Variants in PRRC2A observed in about 807,000 individuals in gnomAD.
The protein encoded by PRRC2A is protein PRRC2A.
A neutral mutation model predicts 224.6 loss-of-function variants in PRRC2A; 59 were observed. That is an observed-to-expected ratio of 0.26 (90% CI 0.21 to 0.33). The LOEUF is 0.33. Among genes scored for constraint, PRRC2A ranks in the 10% least tolerant of loss-of-function variants. The probability of loss-of-function intolerance (pLI) is 1.00; values close to 1 mark genes in which losing one functional copy is unlikely to be tolerated. For missense variants in PRRC2A, 3,095 were observed against 2,880.7 expected (o/e 1.07, Z -1.70); for synonymous variants, 1,194 against 1,109.5 (o/e 1.08, Z -1.51).
chr6:31,630,885 G>C, intron 15 of PRRC2A, 84 bp downstream of exon 15: 1 of 1,502,632 alleles, frequency 6.7e-7, no homozygotes, highest in Non-Finnish European at 9.0e-7. Flanking sequence ...TAGTGGTAGG[G>C]ATAGGGATGA....
chr6:31,628,869 C>T (rs1043044337), intron 12 of PRRC2A: 1 of 437,180 alleles, frequency 2.3e-6, no homozygotes, highest in Non-Finnish European at 4.0e-6. Context: ...ACAAGAAATA[C>T]ATAAATAAAA....
chr6:31,622,942 G>C, intron 2 of PRRC2A, 41 bp downstream of exon 2: 1 of 1,476,106 alleles, frequency 6.8e-7, no homozygotes, highest in Non-Finnish European at 9.5e-7. Flanking sequence ...TTGAAAGCTA[G>C]GCATGCATGG....
rs375608614 is a variant in PRRC2A at position 31,632,519 on chromosome 6, C to T, written c.3846C>T (p.Ser1282=). 68 of 1,608,562 alleles carry T rather than the reference C, an allele frequency of 4.2e-5. No individual in the cohort carries two copies. The highest frequency in any genetic ancestry group is 2.0e-4 in the African/African-American group (15 of 74,838). ...EGKPSLTLPA[S]APGPEEALTT... The stretch of plus-strand genomic sequence containing the variant: ...AGCCCTCCCTAACCCTTCCAGCCTC[C>T]GCTCCTGGACCTGAGGAGGCCCTCA... Residue 1282 remains serine (S), a synonymous_variant, in exon 16 of 31, where the codon TCC becomes TCT. Transcript: ENST00000376033.
At chr6:31,634,629 G>T in intron 20 of PRRC2A, 72 bp downstream of exon 20, 1 of 1,586,836 alleles carries the variant, frequency 6.3e-7, no homozygotes, top group Non-Finnish European at 8.6e-7. Context: ...CACCTGCTCT[G>T]GGTTGAGTCT....
Position 31,635,406 on chromosome 6 carries a change from C to A in PRRC2A, c.5314C>A (p.Arg1772Ser). The change falls in exon 23 of 31, where the codon CGC becomes AGC. Residue 1772 changes from arginine to serine, a missense_variant. Physicochemically the swap from Arg to Ser is moderately radical, Grantham distance 110. Around this residue, in one of 8 missense-constraint regions of PRRC2A, gnomAD observed 662 missense variants for 609.5 expected, o/e 1.09. Transcript: ENST00000376033. ...FGTSDKDSDL[R>S]LVVGDSLKAE... ...CTTGTGATCACAGGACTCAGACTTA[C>A]GCCTAGTGGTAGGAGACAGCTTGAA... 1 of 1,614,216 alleles carries A rather than the reference C, an allele frequency of 6.2e-7. No individual in the cohort carries two copies. The highest frequency in any genetic ancestry group is 8.5e-7 in the Non-Finnish European group (1 of 1,180,028).
In PRRC2A at chr6:31,636,857, G is replaced by A; in HGVS notation, c.6059G>A (p.Ser2020Asn). 6.2e-7 allele frequency: 1 copy of A among 1,612,736 alleles called. No homozygotes were observed. The highest frequency in any genetic ancestry group is 1.1e-5 in the South Asian group (1 of 91,074). Residue 2020 changes from serine (S) to asparagine (N), a missense_variant, in exon 28 of 31, where the codon AGC (serine) becomes AAC (asparagine). Around this residue, in one of 8 missense-constraint regions of PRRC2A, gnomAD observed 662 missense variants for 609.5 expected, o/e 1.09. Coordinates refer to ENST00000376033, the MANE Select transcript of PRRC2A (RefSeq NM_004638.4). This position sits in a 1 kb window ranked among gnomAD's most constrained non-coding sequence, Gnocchi z 4.3. Reference protein sequence around the residue: ...LPVGPALQPPSLAVRPPPAPA... With the variant: ...LPVGPALQPPNLAVRPPPAPA... ...GTGGGCCCTGCTCTGCAGCCCCCCA[G>A]CCTGGCTGTGCGGCCCCCACCTGCT... is the stretch of plus-strand genomic sequence containing the variant.
In PRRC2A at chr6:31,636,954, C is replaced by CAGG; in HGVS notation, c.6147+11_6147+13dup. The CAGG allele has an allele frequency of 6.2e-7, 1 of 1,611,250 alleles. No homozygotes were observed. Among genetic ancestry groups the CAGG allele is most frequent in the Non-Finnish European group, 8.5e-7 (1 of 1,178,784 alleles). On this transcript the variant is annotated intron_variant, in intron 28 of 30. Transcript: ENST00000376033. The surrounding 1 kb of genome is among the most constrained non-coding windows in gnomAD (Gnocchi z 4.3). ...GCTTGGGGCGAGCAGAGGTAAGGTACAGGAACTGAGGGGCTAGGGAGCGCC... is the reference window on the plus strand; with the variant it reads ...GCTTGGGGCGAGCAGAGGTAAGGTACAGGAGGAACTGAGGGGCTAGGGAGCGCC...
chr6:31,634,052 ATGTTTTCTC>A, intron 18 of PRRC2A, 63 bp downstream of exon 18: 1 of 1,584,292 alleles, frequency 6.3e-7, no homozygotes, highest in South Asian at 1.2e-5. Flanking sequence ...CTTCTGGGTT[ATGTTTTCTC>A]TGTTTTCTTT....
Position 31,632,800 on chromosome 6 carries a change from G to A in PRRC2A, c.4127G>A (p.Arg1376Lys). The A allele has an allele frequency of 2.5e-6, 4 of 1,613,144 alleles. No individual in the cohort carries two copies. The highest frequency in any genetic ancestry group is 3.4e-6 in the Non-Finnish European group (4 of 1,180,028). Reference protein sequence around the residue: ...SAMSRGDLSQRAKDLSKRSFS... With the variant: ...SAMSRGDLSQKAKDLSKRSFS... Reference sequence around the variant, plus strand: ...ATGTCCCGCGGAGATCTGAGCCAGAGAGCCAAGGATTTGAGTAAACGGAGC... The same window carrying A: ...ATGTCCCGCGGAGATCTGAGCCAGAAAGCCAAGGATTTGAGTAAACGGAGC... Residue 1376 changes from arginine to lysine, a missense_variant, in exon 16 of 31, where the codon AGA becomes AAA. Around this residue, in one of 8 missense-constraint regions of PRRC2A, gnomAD observed 2,001 missense variants for 1,764.9 expected, o/e 1.13. Transcript: ENST00000376033.
intron 9 of PRRC2A, 36 bp downstream of exon 9, chr6:31,626,198 G>A (rs1165183498): frequency 1.3e-6 from 2 of 1,596,714 alleles, no homozygotes; most frequent in African/African-American, 1.3e-5. Flanking sequence ...TTTGGATCTT[G>A]AAAGGCAAAA....
In PRRC2A at chr6:31,632,779, C is replaced by T. The variant is rs769457025; in HGVS notation, c.4106C>T (p.Ser1369Phe). 1.2e-6 allele frequency: 2 copies of T among 1,613,082 alleles called. No homozygotes were observed. The highest frequency in any genetic ancestry group is 8.5e-7 in the Non-Finnish European group (1 of 1,180,018). The change falls in exon 16 of 31, where the codon TCC (serine) becomes TTC (phenylalanine). Residue 1369 changes from serine (S) to phenylalanine (F), a missense_variant. Physicochemically the swap from Ser to Phe is radical, Grantham distance 155. Transcript: ENST00000376033. ...GCCGTACCAGGTATTTCAGCCATGT[C>T]CCGCGGAGATCTGAGCCAGAGAGCC... ...GGAVPGISAM[S>F]RGDLSQRAKD...
At position 31,632,743 on chromosome 6, in the gene PRRC2A, G is replaced by A; in HGVS notation, c.4070G>A (p.Gly1357Asp). The change falls in exon 16 of 31, where the codon GGT becomes GAT. Residue 1357 changes from glycine (G) to aspartate (D), a missense_variant. Physicochemically the swap from Gly to Asp is moderately conservative, Grantham distance 94. Transcript: ENST00000376033. ...TPKAVGTPGG[G>D]GGGAVPGISA... ...AAGGCTGTGGGAACTCCTGGGGGAG[G>A]TGGAGGTGGAGCCGTACCAGGTATT... 6.2e-7 allele frequency: 1 copy of A among 1,613,098 alleles called. No homozygotes were observed. The highest frequency in any genetic ancestry group is 2.2e-5 in the East Asian group (1 of 44,882).
Position 31,631,846 on chromosome 6 carries a change from G to C in PRRC2A, c.3173G>C (p.Arg1058Pro). 1 of 1,605,614 alleles carries C rather than the reference G, an allele frequency of 6.2e-7. No homozygotes were observed. Among genetic ancestry groups the C allele is most frequent in the Non-Finnish European group, 8.5e-7 (1 of 1,175,964 alleles). The change falls in exon 16 of 31, where the codon CGA becomes CCA. Residue 1058 changes from arginine to proline, a missense_variant. Around this residue, in one of 8 missense-constraint regions of PRRC2A, gnomAD observed 2,001 missense variants for 1,764.9 expected, o/e 1.13. Coordinates refer to ENST00000376033, the MANE Select transcript of PRRC2A (RefSeq NM_004638.4). The surrounding 1 kb of genome is among the most constrained non-coding windows in gnomAD (Gnocchi z 4.5). ...GARSREFRSY[R>P]EFRGDDGRGG... ...CGAAGCCGGGAATTCCGCAGTTACC[G>C]AGAGTTTCGAGGAGATGATGGGCGT...
rs1476585247 is a variant in PRRC2A at position 31,625,600 on chromosome 6, A to C, written c.748A>C (p.Met250Leu). 1 of 1,576,818 alleles carries C rather than the reference A, an allele frequency of 6.3e-7. No homozygotes were observed. The highest frequency in any genetic ancestry group is 8.6e-7 in the Non-Finnish European group (1 of 1,160,004). Reference protein sequence around the residue: ...PPQFPPYRGMMPPFMYPPYLP... With the variant: ...PPQFPPYRGMLPPFMYPPYLP... ...CCAGTTCCCTCCCTACCGCGGAATG[A>C]TGCCGCCTTTCGTGAGTCTTGGTGT... The change falls in exon 7 of 31, where the codon ATG becomes CTG. Residue 250 changes from methionine to leucine, a missense_variant. Around this residue, in one of 8 missense-constraint regions of PRRC2A, gnomAD observed 287 missense variants for 275.3 expected, o/e 1.04. Coordinates refer to ENST00000376033, the MANE Select transcript of PRRC2A (RefSeq NM_004638.4). The surrounding 1 kb of genome is among the most constrained non-coding windows in gnomAD (Gnocchi z 4.1).
chr6:31,633,078 G>A, intron 16 of PRRC2A, 86 bp downstream of exon 16: 2 of 1,421,464 alleles, frequency 1.4e-6, no homozygotes, highest in East Asian at 2.5e-5. Flanking sequence ...TGGGTGGAGT[G>A]GAGATTGTGG....
At chr6:31,634,012 T>C in intron 18 of PRRC2A, 23 bp downstream of exon 18, 2 of 1,599,332 alleles carry the variant, frequency 1.3e-6, no homozygotes, top group Admixed American at 1.8e-5. Flanking sequence ...TTTGAGATTG[T>C]GCTTCACTGC....
At chr6:31,635,943 T>A (rs1777287344) in intron 24 of PRRC2A, 24 bp from the exon 25 acceptor site, 7 of 1,580,380 alleles carry the variant, frequency 4.4e-6, no homozygotes, top group Non-Finnish European at 6.1e-6. Flanking sequence ...CTAAAGCTGT[T>A]TCAACCGTGC....
chr6:31,636,705 A>G lies in PRRC2A; in HGVS notation c.5935-28A>G. 6.2e-7 allele frequency: 1 copy of G among 1,604,418 alleles called. No homozygotes were observed. The highest frequency in any genetic ancestry group is 1.1e-5 in the South Asian group (1 of 90,920). ...TTTCTGACATTCCTCCCTGCCCCCA[A>G]CATGCACACCCAAATTTCTTGTTAC... On this transcript the variant is annotated intron_variant, in intron 27 of 30. Coordinates refer to ENST00000376033, the MANE Select transcript of PRRC2A (RefSeq NM_004638.4). The surrounding 1 kb of genome is among the most constrained non-coding windows in gnomAD (Gnocchi z 4.3).
chr6:31,627,299 A>C lies in PRRC2A; in HGVS notation c.1290+101A>C. The C allele has an allele frequency of 3.4e-6, 3 of 872,176 alleles. No homozygotes were observed. The highest frequency in any genetic ancestry group is 5.3e-6 in the Non-Finnish European group (3 of 567,670). The allele number at this position is 872,176 out of a possible 1,614,324, so 54.0% of individuals were successfully genotyped here. On this transcript the variant is annotated intron_variant, in intron 11 of 30. Transcript: ENST00000376033. This position sits in a 1 kb window ranked among gnomAD's most constrained non-coding sequence, Gnocchi z 5.6. ...GATATAGAGGAAGGGGGGTGCTAAA[A>C]ATGGGCTGTGTGAAGTGCCAGGCTG...
Sources: gnomAD v4.1 joint callset for allele counts on GRCh38, gnomAD v4.1.1 for gene constraint, gnomAD v4.1.1 regional missense constraint, Gnocchi (gnomAD v3.1) non-coding constraint, MANE v1.5 for transcripts, NCBI Gene and HGNC (gene_info 2026-07-23, HGNC 2026-07-21) for gene names.